SLC24A3: variants seen among roughly 807,000 people sequenced by gnomAD.
SLC24A3 encodes sodium/potassium/calcium exchanger 3.
SLC24A3 carries 28 observed loss-of-function variants against 75.8 expected under a neutral mutation model. That is an observed-to-expected ratio of 0.37 (90% confidence interval 0.27 to 0.51). SLC24A3 has a LOEUF of 0.51. SLC24A3 is among the 20% of genes least tolerant of loss of function. SLC24A3 has a pLI of 0.94. For synonymous variants in SLC24A3, 372 were observed against 334.1 expected (o/e 1.11, Z -1.24); for missense variants, 663 against 847.8 (o/e 0.78, Z 2.71).
intron 2 of SLC24A3, among the ~76,000 whole-genome samples, chr20:19,512,331 G>A (rs959621664): frequency 2.6e-5 from 4 of 152,128 alleles, no homozygotes; most frequent in Non-Finnish European, 4.4e-5. Flanking sequence ...ACCCCTGCCC[G>A]GCCAGGACTT....
At chr20:19,421,855 C>T (rs573241387) in intron 2 of SLC24A3, among the ~76,000 whole-genome samples, 34 of 152,154 alleles carry the variant, frequency 2.2e-4, no homozygotes, top group African/African-American at 7.5e-4. Flanking sequence ...CACGAACTTC[C>T]GGAGCCTCCA....
intron 6 of SLC24A3, among the ~76,000 whole-genome samples, chr20:19,640,783 T>A (rs993092336): frequency 1.3e-5 from 2 of 152,194 alleles, no homozygotes; most frequent in African/African-American, 4.8e-5. Context: ...TTTTATGTCA[T>A]ACAAAACCTA....
At chr20:19,498,819 A>G (rs1397959044) in intron 2 of SLC24A3, among the ~76,000 whole-genome samples, 1 of 152,248 alleles carries the variant, frequency 6.6e-6, no homozygotes. Flanking sequence ...TGTAACTGCC[A>G]TGACCAGCAG....
chr20:19,584,502 A>C (rs767009965), intron 4 of SLC24A3, among the ~76,000 whole-genome samples: 2 of 152,172 alleles, frequency 1.3e-5, no homozygotes, highest in African/African-American at 2.4e-5. Flanking sequence ...GCATCTCTTA[A>C]AAATCAGAAT....
chr20:19,306,125 G>A (rs768903624), intron 2 of SLC24A3, among the ~76,000 whole-genome samples: 11 of 152,134 alleles, frequency 7.2e-5, no homozygotes, highest in Non-Finnish European at 1.3e-4. Context: ...ATGAAAAAGT[G>A]TTCAACATCA....
At chr20:19,371,061 G>T (rs1220303656) in intron 2 of SLC24A3, among the ~76,000 whole-genome samples, 1 of 152,168 alleles carries the variant, frequency 6.6e-6, no homozygotes, top group Admixed American at 6.5e-5. Context: ...AGCAGCTCCT[G>T]AGCAAGGATT....
intron 6 of SLC24A3, among the ~76,000 whole-genome samples, chr20:19,593,526 T>A (rs1004745546): frequency 1.3e-5 from 2 of 152,214 alleles, no homozygotes; most frequent in African/African-American, 2.4e-5. Flanking sequence ...CTCATTTTGA[T>A]CCTTTCAATA....
At chr20:19,476,602 A>C (rs1175574127) in intron 2 of SLC24A3, among the ~76,000 whole-genome samples, 1 of 152,250 alleles carries the variant, frequency 6.6e-6, no homozygotes, top group East Asian at 1.9e-4. Context: ...ATCTTGGCAA[A>C]GTACATGTCT....
chr20:19,488,519 C>A (rs1300463956), intron 2 of SLC24A3, among the ~76,000 whole-genome samples: 1 of 152,130 alleles, frequency 6.6e-6, no homozygotes, highest in East Asian at 1.9e-4. Flanking sequence ...AGCCTAACAA[C>A]CTTCTGGAGG....
chr20:19,702,862 CA>C (rs1455979674), intron 15 of SLC24A3, among the ~76,000 whole-genome samples: 1 of 152,112 alleles, frequency 6.6e-6, no homozygotes, highest in Non-Finnish European at 1.5e-5. Context: ...TTTAAAAATT[CA>C]ATGGAAAAAT....
chr20:19,374,100 C>T (rs1365631973), intron 2 of SLC24A3, among the ~76,000 whole-genome samples: 1 of 152,152 alleles, frequency 6.6e-6, no homozygotes, highest in African/African-American at 2.4e-5. Flanking sequence ...AAGAAAGAGC[C>T]TCAGATCGGG....
At chr20:19,602,938 G>A (rs868443547) in intron 6 of SLC24A3, among the ~76,000 whole-genome samples, 31 of 152,254 alleles carry the variant, frequency 2.0e-4, no homozygotes, top group Middle Eastern at 6.8e-3. Flanking sequence ...CATCACACCC[G>A]CACCGTGGTT....
At chr20:19,652,046 T>G (rs974652429) in intron 6 of SLC24A3, among the ~76,000 whole-genome samples, 1 of 151,844 alleles carries the variant, frequency 6.6e-6, no homozygotes, top group Non-Finnish European at 1.5e-5. Context: ...GAAGGAGGCT[T>G]GAGATTAAAT....
At chr20:19,328,940 A>G (rs1218423828) in intron 2 of SLC24A3, among the ~76,000 whole-genome samples, 1 of 152,212 alleles carries the variant, frequency 6.6e-6, no homozygotes, top group African/African-American at 2.4e-5. Context: ...TCGGAGGAGC[A>G]GCCATCGAGG....
At chr20:19,503,028 GAAAAAAA>G (rs11476234) in intron 2 of SLC24A3, among the ~76,000 whole-genome samples, 2 of 109,602 alleles carry the variant, frequency 1.8e-5, no homozygotes, top group African/African-American at 6.6e-5. Context: ...CCTTGTCTCA[GAAAAAAA>G]AAAAAAAAAA....
At chr20:19,706,766 A>G (rs1010017128) in intron 15 of SLC24A3, among the ~76,000 whole-genome samples, 14 of 152,188 alleles carry the variant, frequency 9.2e-5, no homozygotes, top group African/African-American at 3.4e-4. Flanking sequence ...ACAATTCCGT[A>G]GAGAAAGCAC....
At chr20:19,282,057 A>C (rs73278931) in intron 2 of SLC24A3, among the ~76,000 whole-genome samples, 3,262 of 152,160 alleles carry the variant, frequency 0.021, 41 homozygotes, top group African/African-American at 0.036. Flanking sequence ...CCTACATCCA[A>C]AGGTCTGTCT....
chr20:19,578,953 C>T (rs1018873852), intron 3 of SLC24A3, among the ~76,000 whole-genome samples: 2 of 152,140 alleles, frequency 1.3e-5, no homozygotes, highest in African/African-American at 4.8e-5. Flanking sequence ...CTCCCAGCTT[C>T]CTGGTCCACA....
At chr20:19,430,774 G>GTA (rs1568615931) in intron 2 of SLC24A3, among the ~76,000 whole-genome samples, 1 of 150,170 alleles carries the variant, frequency 6.7e-6, no homozygotes, top group East Asian at 2.0e-4. Context: ...TTGCATGCAT[G>GTA]CACACACACA....
Sources: allele counts gnomAD v4.1 joint callset (sites outside exome capture counted in the v4.1 genomes callset), GRCh38; gene constraint gnomAD v4.1.1; transcripts MANE v1.5; gene names NCBI Gene and HGNC (gene_info 2026-07-23, HGNC 2026-07-21).